The following CNTN4 variants were observed in gnomAD, a reference collection of about 807,000 sequenced individuals.
CNTN4 encodes the protein contactin-4.
CNTN4 carries 77 observed loss-of-function variants against 122.5 expected under a neutral mutation model. The observed-to-expected ratio is 0.63, with a 90% confidence interval of 0.52 to 0.76. CNTN4 has a LOEUF of 0.76. CNTN4 is among the 30% of genes least tolerant of loss of function. CNTN4 has a pLI of 0.00. For missense variants in CNTN4, 1,256 were observed against 1,259.1 expected, an observed-to-expected ratio of 1.00 and a Z score of 0.04; for synonymous variants, 512 against 447.0, an observed-to-expected ratio of 1.15 and a Z score of -1.83.
chr3:2,711,952 C>T (rs1461436877), intron 4 of CNTN4, among the ~76,000 whole-genome samples: 2 of 152,064 alleles, frequency 1.3e-5, no homozygotes, highest in Non-Finnish European at 2.9e-5. Context: ...AAAACTCTTC[C>T]TTCATTATAT....
At chr3:2,111,961 C>T (rs1052647981) in intron 2 of CNTN4, among the ~76,000 whole-genome samples, 4 of 152,034 alleles carry the variant, frequency 2.6e-5, no homozygotes, top group African/African-American at 9.7e-5. Context: ...TTTATGTTTG[C>T]TCATATGCTT....
rs567737970 is a variant in CNTN4, at chr3:3,056,255, T to A, written c.*35T>A. 2 of 1,478,828 alleles carry A rather than the reference T, an allele frequency of 1.4e-6. No homozygotes were observed. Among genetic ancestry groups the A allele is most frequent in the Non-Finnish European group, 1.9e-6 (2 of 1,056,882 alleles). The allele number at this position is 1,478,828 out of a possible 1,614,324, so 91.6% of individuals were successfully genotyped here. On this transcript the variant is annotated 3_prime_UTR_variant, in exon 25 of 25. Coordinates refer to ENST00000418658, the MANE Select transcript of CNTN4 (RefSeq NM_175607.3). The stretch of plus-strand genomic sequence containing the variant: ...TCTGAAGGACTTGCTGTTTATAATA[T>A]AAGCAACATTTAGCTAGTTGTTTTG...
rs879450299 is a variant in CNTN4, at chr3:3,000,651, G to A, written c.1486+12179G>A. On this transcript the variant is annotated intron_variant, in intron 14 of 24. Transcript: ENST00000418658. The stretch of plus-strand genomic sequence containing the variant: ...TATCAGATACAAGTGTGTGGTTTGA[G>A]TAGCCTGTAGGGTCATTTTCTATTC... Among the ~76,000 whole-genome samples, 4 of 152,340 alleles carry A rather than the reference G, an allele frequency of 2.6e-5. No homozygotes were observed. In the East Asian group the frequency reaches 7.7e-4, roughly 29 times the overall value.
chr3:2,226,918 G>C (rs1449751506), intron 2 of CNTN4, among the ~76,000 whole-genome samples: 1 of 152,064 alleles, frequency 6.6e-6, no homozygotes, highest in African/African-American at 2.4e-5. Context: ...TGCAGTAGCT[G>C]TGATCATTAT....
intron 4 of CNTN4, among the ~76,000 whole-genome samples, chr3:2,640,727 A>C (rs2082864282): frequency 6.6e-6 from 1 of 152,190 alleles, no homozygotes; most frequent in African/African-American, 2.4e-5. Context: ...CTATGATCAG[A>C]AATACTAACA....
chr3:2,174,511 C>T (rs1308199946), intron 2 of CNTN4, among the ~76,000 whole-genome samples: 1 of 152,014 alleles, frequency 6.6e-6, no homozygotes, highest in Non-Finnish European at 1.5e-5. Context: ...GTGTAAAGGA[C>T]CAAGGAACTC....
intron 3 of CNTN4, among the ~76,000 whole-genome samples, chr3:2,568,925 C>T (rs932462750): frequency 1.3e-5 from 2 of 152,186 alleles, no homozygotes; most frequent in African/African-American, 2.4e-5. Flanking sequence ...CTTCCAGAAA[C>T]TGCTTAACAT....
intron 3 of CNTN4, among the ~76,000 whole-genome samples, chr3:2,520,051 A>G (rs933170552): frequency 1.3e-5 from 2 of 152,102 alleles, no homozygotes; most frequent in Admixed American, 6.6e-5. Flanking sequence ...GATCAGATTT[A>G]AGAAATCATA....
chr3:2,565,960 G>T (rs1480973312), intron 3 of CNTN4, among the ~76,000 whole-genome samples: 7 of 152,166 alleles, frequency 4.6e-5, no homozygotes, highest in African/African-American at 1.4e-4. Context: ...TGTTTATGTT[G>T]TTCTTACACT....
chr3:2,653,056 G>A (rs1224900412), intron 4 of CNTN4, among the ~76,000 whole-genome samples: 1 of 152,042 alleles, frequency 6.6e-6, no homozygotes, highest in Non-Finnish European at 1.5e-5. Context: ...AAAATGAATT[G>A]TGACTATAAA....
chr3:2,280,432 C>A (rs1357267477), intron 2 of CNTN4, among the ~76,000 whole-genome samples: 1 of 152,106 alleles, frequency 6.6e-6, no homozygotes, highest in Non-Finnish European at 1.5e-5. Context: ...TCCTTTTGTA[C>A]TCAAGTAACA....
intron 4 of CNTN4, among the ~76,000 whole-genome samples, chr3:2,733,069 C>G (rs953627898): frequency 6.6e-6 from 1 of 152,170 alleles, no homozygotes; most frequent in Non-Finnish European, 1.5e-5. Context: ...TATTGCATGG[C>G]TACATTGAGA....
At chr3:3,007,180 GCT>G (rs1294024216) in intron 14 of CNTN4, among the ~76,000 whole-genome samples, 1 of 152,188 alleles carries the variant, frequency 6.6e-6, no homozygotes, top group Non-Finnish European at 1.5e-5. Flanking sequence ...ACAAATCAAT[GCT>G]CTCAGCAGAC....
chr3:2,657,709 A>G (rs962800796), intron 4 of CNTN4, among the ~76,000 whole-genome samples: 3 of 152,104 alleles, frequency 2.0e-5, no homozygotes, highest in African/African-American at 7.2e-5. Flanking sequence ...TGGTTTGGGT[A>G]GAGATAGATA....
intron 2 of CNTN4, among the ~76,000 whole-genome samples, chr3:2,287,687 A>G (rs199906258): frequency 0.16 from 14,212 of 90,926 alleles, 1,421 homozygotes; most frequent in Admixed American, 0.2. Context: ...AAGAAGAAGA[A>G]GAAGAGGAAG....
intron 4 of CNTN4, among the ~76,000 whole-genome samples, chr3:2,621,841 A>G (rs1202277181): frequency 6.6e-6 from 1 of 152,044 alleles, no homozygotes; most frequent in Non-Finnish European, 1.5e-5. Flanking sequence ...CAAGAGAATG[A>G]TCCTCATTCT....
intron 4 of CNTN4, among the ~76,000 whole-genome samples, chr3:2,677,982 C>G (rs1397476928): frequency 2.6e-5 from 4 of 152,024 alleles, no homozygotes; most frequent in African/African-American, 4.8e-5. Context: ...GTATAATAAC[C>G]TCAGAATTGC....
chr3:2,287,697 GAAGAAGAAGAAGA>G (rs2041975607), intron 2 of CNTN4, among the ~76,000 whole-genome samples: 1 of 79,548 alleles, frequency 1.3e-5, no homozygotes, highest in Non-Finnish European at 2.5e-5. Context: ...AGAAGAGGAA[GAAGAAGAAGAAGA>G]GGAAGAAGAA....
intron 2 of CNTN4, among the ~76,000 whole-genome samples, chr3:2,202,002 G>A (rs982889899): frequency 6.6e-6 from 1 of 152,026 alleles, no homozygotes. Context: ...TCTTACACAG[G>A]AGGCTATTTT....
Sources: gnomAD v4.1 joint callset for allele counts (sites outside exome capture counted in the v4.1 genomes callset) on GRCh38, gnomAD v4.1.1 for gene constraint, MANE v1.5 for transcripts, NCBI Gene and HGNC (gene_info 2026-07-23, HGNC 2026-07-21) for gene names.